Variants in BIN1 observed in about 807,000 individuals in gnomAD.
The protein encoded by BIN1 is myc box-dependent-interacting protein 1.
A neutral mutation model predicts 82.0 loss-of-function variants in BIN1; 53 were observed. That is an observed-to-expected ratio of 0.65 (90% CI 0.52 to 0.81). The LOEUF (loss-of-function observed/expected upper bound fraction) is 0.81, where lower values mean the gene tolerates loss of function less well. Ranked by LOEUF, BIN1 falls within the 40% of genes least tolerant of loss-of-function variation. The pLI, the probability that BIN1 is intolerant of heterozygous loss-of-function variation, is 0.00. For missense variants in BIN1, 642 were observed against 784.4 expected (o/e 0.82, Z 2.17); for synonymous variants, 302 against 328.0 (o/e 0.92, Z 0.86).
chr2:127,065,720 G>A (rs1373761515), intron 7 of BIN1, among the ~76,000 whole-genome samples: 3 of 152,166 alleles, frequency 2.0e-5, no homozygotes, highest in Admixed American at 6.5e-5. Flanking sequence ...AGACAGCACC[G>A]CAGCTTGTCT....
In BIN1 at chr2:127,057,485, G is replaced by A. The variant is rs1444368852; in HGVS notation, c.1119C>T (p.Thr373=). The change falls in exon 12 of 19, where the codon ACC becomes ACT. Residue 373 remains threonine (T), a synonymous_variant. Coordinates refer to ENST00000316724, the MANE Select transcript of BIN1 (RefSeq NM_139343.3). The surrounding 1 kb of genome is among the most constrained non-coding windows in gnomAD (Gnocchi z 5.0). Reference sequence around the variant, plus strand: ...GGCCGCGGCTGACCTGGGAGGGGGTGGTCACGCTGATCTCAGGGACAAACG... The same window carrying A: ...GGCCGCGGCTGACCTGGGAGGGGGTAGTCACGCTGATCTCAGGGACAAACG... The part of the protein sequence containing the change: ...EDTFVPEISV[T]TPSQFEAPGP... The A allele has an allele frequency of 1.6e-5, 24 of 1,547,034 alleles. No homozygotes were observed. Among genetic ancestry groups the A allele is most frequent in the Non-Finnish European group, 2.1e-5 (24 of 1,144,378 alleles).
rs909860824 is a variant in BIN1, at chr2:127,082,621, C to T, written c.85-5915G>A. The stretch of plus-strand genomic sequence containing the variant: ...AATGGGAGTCTTAAACCCCCAGGGG[C>T]AGAGGGAGCCAGTCTGAGGACAGTC... On this transcript the variant is annotated intron_variant, in intron 1 of 18. Coordinates refer to ENST00000316724, the MANE Select transcript of BIN1 (RefSeq NM_139343.3). The surrounding 1 kb of genome is among the most constrained non-coding windows in gnomAD (Gnocchi z 6.1). 6.6e-6 allele frequency among the ~76,000 whole-genome samples: 1 copy of T among 152,204 alleles called. No homozygotes were observed. The highest frequency in any genetic ancestry group is 1.5e-5 in the Non-Finnish European group (1 of 68,030).
rs757908634 is a variant in BIN1, at chr2:127,051,156, A to G, written c.1459T>C (p.Ser487Pro). ...GGGCTTTGTCCCTGCTGTCTTACGG[A>G]GGCTGCTTCACTTGCCGCCGTCTCC... ...PGETAASEAA[S>P]SSLPAVVVET... Residue 487 changes from serine to proline, a missense_variant and splice_region_variant, in exon 16 of 19, where the codon TCC (serine) becomes CCC (proline). Coordinates refer to ENST00000316724, the MANE Select transcript of BIN1 (RefSeq NM_139343.3). The G allele has an allele frequency of 6.2e-7, 1 of 1,613,472 alleles. No homozygotes were observed. The highest frequency in any genetic ancestry group is 8.5e-7 in the Non-Finnish European group (1 of 1,179,892).
chr2:127,080,226 C>T (rs1173877400), intron 1 of BIN1, among the ~76,000 whole-genome samples: 1 of 152,246 alleles, frequency 6.6e-6, no homozygotes, highest in Non-Finnish European at 1.5e-5. Context: ...GGAGCTGGGA[C>T]AAGGCCGTGA....
chr2:127,068,971 C>T lies in BIN1; in HGVS notation c.472G>A (p.Glu158Lys), dbSNP rs764377144. The part of the protein sequence containing the change: ...VDYDSARHHY[E>K]SLQTAKKKDE... ...TTCTTTTTGGCAGTTTGAAGGGACT[C>T]GTAGTGGTGCCGGGCACTGTCGTAG... The change falls in exon 6 of 19, where the codon GAG becomes AAG. Residue 158 changes from glutamate to lysine, a missense_variant. By Grantham distance (56) the Glu-to-Lys change is moderately conservative (BLOSUM62 1). Coordinates refer to ENST00000316724, the MANE Select transcript of BIN1 (RefSeq NM_139343.3). The surrounding 1 kb of genome is among the most constrained non-coding windows in gnomAD (Gnocchi z 4.9). 2.5e-6 allele frequency: 4 copies of T among 1,614,200 alleles called. No homozygotes were observed. Among genetic ancestry groups the T allele is most frequent in the South Asian group, 2.2e-5 (2 of 91,086 alleles).
At chr2:127,077,790 T>C (rs532361900) in intron 1 of BIN1, among the ~76,000 whole-genome samples, 10 of 152,308 alleles carry the variant, frequency 6.6e-5, no homozygotes, top group African/African-American at 2.2e-4. Flanking sequence ...CACACCCGTC[T>C]GCAGCCAAAG....
intron 1 of BIN1, among the ~76,000 whole-genome samples, chr2:127,088,001 C>T (rs1678409207): frequency 6.6e-6 from 1 of 152,232 alleles, no homozygotes; most frequent in Non-Finnish European, 1.5e-5. Flanking sequence ...CCAGGCCTCA[C>T]CCTCCAGCTT....
At chr2:127,091,387 A>ACAGGGGCTCCCCATCTTTGCCG (rs1234913187) in intron 1 of BIN1, among the ~76,000 whole-genome samples, 1 of 152,214 alleles carries the variant, frequency 6.6e-6, no homozygotes, top group Non-Finnish European at 1.5e-5. Context: ...GTTCTCAGCC[A>ACAGGGGCTCCCCATCTTTGCCG]CAGGGGCTCC....
chr2:127,084,140 G>A lies in BIN1; in HGVS notation c.85-7434C>T, dbSNP rs1346721179. 3.3e-5 allele frequency among the ~76,000 whole-genome samples: 5 copies of A among 152,144 alleles called. No homozygotes were observed. In the East Asian group the frequency reaches 9.6e-4, roughly 29 times the overall value. ...CATGACAGTCTTCCAAGAGCCTGGAGGAGAAAAAAAACTGCAGACCTGCTG... is the reference window on the plus strand; with the variant it reads ...CATGACAGTCTTCCAAGAGCCTGGAAGAGAAAAAAAACTGCAGACCTGCTG... On this transcript the variant is annotated intron_variant, in intron 1 of 18. Coordinates refer to ENST00000316724, the MANE Select transcript of BIN1 (RefSeq NM_139343.3).
At position 127,105,516 on chromosome 2, in the gene BIN1, G is replaced by T. The variant is rs557826114; in HGVS notation, c.84+1344C>A. 4.0e-3 allele frequency among the ~76,000 whole-genome samples: 541 copies of T among 135,884 alleles called. 9 individuals carry two copies. Among genetic ancestry groups the T allele is most frequent in the Middle Eastern group, 7.8e-3 (2 of 258 alleles). The allele number at this position is 135,884 out of a possible 152,430, so 89.1% of individuals were successfully genotyped here. ...TCCTCCTCCTCCTTCCCTGGGGTGG[G>T]GGGTTGGGGAGCTGGGTCTGGGCAA... On this transcript the variant is annotated intron_variant, in intron 1 of 18. Coordinates refer to ENST00000316724, the MANE Select transcript of BIN1 (RefSeq NM_139343.3).
At chr2:127,053,599 C>G in intron 13 of BIN1, 154 bp from the exon 14 acceptor site, 1 of 1,042,404 alleles carries the variant, frequency 9.6e-7, no homozygotes, top group Admixed American at 2.0e-5. Context: ...CCAAGATTTG[C>G]AGGTGGCCGA....
intron 5 of BIN1, among the ~76,000 whole-genome samples, chr2:127,069,668 C>T (rs1369647541): frequency 6.6e-6 from 1 of 152,066 alleles, no homozygotes; most frequent in Admixed American, 6.6e-5. Context: ...CAGGCACACA[C>T]ATGTGTAGGC....
intron 12 of BIN1, chr2:127,054,922 C>T (rs1683445646): frequency 6.6e-6 from 1 of 152,280 alleles, no homozygotes; most frequent in African/African-American, 2.4e-5. Context: ...CCTGGGGCAG[C>T]ATCCATGCCC....
chr2:127,053,351 C>T, intron 14 of BIN1, 71 bp downstream of exon 14: 1 of 1,589,194 alleles, frequency 6.3e-7, no homozygotes, highest in South Asian at 1.1e-5. Flanking sequence ...AGGCTAGGAG[C>T]ATGTGGGCCT....
intron 5 of BIN1, 96 bp downstream of exon 5, chr2:127,069,899 A>G: frequency 7.7e-7 from 1 of 1,303,610 alleles, no homozygotes; most frequent in Non-Finnish European, 1.1e-6. Flanking sequence ...CCTCCAGGAC[A>G]GCCTCCTCCT....
intron 4 of BIN1, 34 bp from the exon 5 acceptor site, chr2:127,070,124 G>C: frequency 3.1e-6 from 5 of 1,597,120 alleles, no homozygotes; most frequent in Non-Finnish European, 4.3e-6. Flanking sequence ...GTGCCACCAG[G>C]AGGGCTGGGC....
chr2:127,072,220 G>A (rs1156737987), intron 2 of BIN1, among the ~76,000 whole-genome samples: 2 of 152,210 alleles, frequency 1.3e-5, no homozygotes, highest in Non-Finnish European at 2.9e-5. Context: ...CAGGGACCCG[G>A]CCACATCCAC....
At chr2:127,076,858 C>T in intron 1 of BIN1, 152 bp from the exon 2 acceptor site, 1 of 834,078 alleles carries the variant, frequency 1.2e-6, no homozygotes, top group Non-Finnish European at 2.0e-6. Context: ...GCTGCAATCC[C>T]AGGGCATGGC....
chr2:127,059,046 T>A lies in BIN1; in HGVS notation c.967A>T (p.Thr323Ser), dbSNP rs753614814. The change falls in exon 11 of 19, where the codon ACG becomes TCG. Residue 323 changes from threonine (T) to serine (S), a missense_variant. Coordinates refer to ENST00000316724, the MANE Select transcript of BIN1 (RefSeq NM_139343.3). This position sits in a 1 kb window ranked among gnomAD's most constrained non-coding sequence, Gnocchi z 6.7. ...GACTTGGGGAGGGTGGCCCCGGGCG[T>A]GGCCCCGCCGGCCGGCTCTGGCTCG... ...NHEPEPAGGA[T>S]PGATLPKSPS... 6 of 1,566,530 alleles carry A rather than the reference T, an allele frequency of 3.8e-6. No homozygotes were observed. Among genetic ancestry groups the A allele is most frequent in the Non-Finnish European group, 5.2e-6 (6 of 1,156,626 alleles).
Sources: gnomAD v4.1 joint callset for allele counts (sites outside exome capture counted in the v4.1 genomes callset) on GRCh38, gnomAD v4.1.1 for gene constraint, Gnocchi (gnomAD v3.1) non-coding constraint, MANE v1.5 for transcripts, NCBI Gene and HGNC (gene_info 2026-07-23, HGNC 2026-07-21) for gene names.